Variants in FAM107B observed in about 807,000 individuals in gnomAD.
FAM107B encodes family with sequence similarity 107 member B, also known as protein FAM107B.
FAM107B carries 21 observed loss-of-function variants against 31.5 expected under a neutral mutation model. The ratio of observed to expected loss-of-function variants is 0.67; its 90% CI spans 0.47 to 0.96. The LOEUF (loss-of-function observed/expected upper bound fraction) is 0.96, where lower values mean the gene tolerates loss of function less well. FAM107B is among the 40% of genes least tolerant of loss of function. The pLI, the probability that FAM107B is intolerant of heterozygous loss-of-function variation, is 0.00. For missense variants in FAM107B, 452 were observed against 377.1 expected (o/e 1.20, Z -1.64); for synonymous variants, 157 against 141.5 (o/e 1.11, Z -0.78).
At chr10:14,602,638 C>T (rs1852436576) in intron 2 of FAM107B, 1 of 152,178 alleles carries the variant, frequency 6.6e-6, no homozygotes, top group Non-Finnish European at 1.5e-5. Context: ...TCACATATTT[C>T]TTATGAATCT....
intron 1 of FAM107B, among the ~76,000 whole-genome samples, chr10:14,668,665 T>C (rs1017737896): frequency 1.3e-5 from 2 of 152,224 alleles, no homozygotes; most frequent in Non-Finnish European, 2.9e-5. Context: ...TTAATTTATT[T>C]GTTTTTCCCT....
At chr10:14,591,835 T>C (rs950241126) in intron 2 of FAM107B, among the ~76,000 whole-genome samples, 10 of 151,768 alleles carry the variant, frequency 6.6e-5, no homozygotes, top group African/African-American at 2.4e-4. Context: ...TTTACAGAAA[T>C]ACAGGGACTA....
intron 4 of FAM107B, among the ~76,000 whole-genome samples, 199 bp from the exon 5 acceptor site, chr10:14,521,505 A>C (rs1167142246): frequency 1.3e-5 from 2 of 152,200 alleles, no homozygotes; most frequent in Admixed American, 6.5e-5. Context: ...TGTCACTGCA[A>C]ATAGGACCAC....
At chr10:14,675,852 C>G (rs1397343712) in intron 1 of FAM107B, among the ~76,000 whole-genome samples, 1 of 152,128 alleles carries the variant, frequency 6.6e-6, no homozygotes, top group Non-Finnish European at 1.5e-5. Flanking sequence ...TAAAGTGCAG[C>G]AGTCCCATTA....
intron 2 of FAM107B, among the ~76,000 whole-genome samples, chr10:14,610,169 C>T (rs922036387): frequency 2.0e-5 from 3 of 152,070 alleles, no homozygotes; most frequent in African/African-American, 7.2e-5. Context: ...CGGTGAAACC[C>T]CATCTCTACT....
At chr10:14,714,430 A>G (rs556593392) in intron 1 of FAM107B, among the ~76,000 whole-genome samples, 101 of 152,306 alleles carry the variant, frequency 6.6e-4, no homozygotes, top group African/African-American at 2.4e-3. Context: ...GGTGCACCGG[A>G]ACTTGAAAAT....
chr10:14,752,470 A>C (rs990510441), intron 1 of FAM107B, among the ~76,000 whole-genome samples: 1 of 152,240 alleles, frequency 6.6e-6, no homozygotes, highest in African/African-American at 2.4e-5. Flanking sequence ...ATACAAAGAC[A>C]TATAGGTTCT....
At chr10:14,745,106 G>C (rs1278131437) in intron 1 of FAM107B, among the ~76,000 whole-genome samples, 1 of 152,098 alleles carries the variant, frequency 6.6e-6, no homozygotes, top group Non-Finnish European at 1.5e-5. Context: ...GGTGTTTATA[G>C]GATTCTCTGA....
chr10:14,696,837 C>T (rs1021754496), intron 1 of FAM107B, among the ~76,000 whole-genome samples: 3 of 152,140 alleles, frequency 2.0e-5, no homozygotes, highest in African/African-American at 7.2e-5. Context: ...GAGCAGACCC[C>T]GAGGTCCCGT....
At chr10:14,681,222 T>A (rs558430336) in intron 1 of FAM107B, among the ~76,000 whole-genome samples, 161 of 152,316 alleles carry the variant, frequency 1.1e-3, no homozygotes, top group African/African-American at 3.6e-3. Flanking sequence ...GCCCTACCCC[T>A]CTTCAGCAGG....
intron 1 of FAM107B, among the ~76,000 whole-genome samples, chr10:14,752,054 A>G (rs1832838690): frequency 6.6e-6 from 1 of 152,158 alleles, no homozygotes; most frequent in Non-Finnish European, 1.5e-5. Context: ...TTACTGGGCC[A>G]AGGAGGATTT....
At chr10:14,635,350 A>G (rs954310191) in intron 2 of FAM107B, among the ~76,000 whole-genome samples, 1 of 152,192 alleles carries the variant, frequency 6.6e-6, no homozygotes, top group African/African-American at 2.4e-5. Context: ...GCTTGCAACC[A>G]TTAGACTTCG....
At chr10:14,541,978 G>A (rs984792442) in intron 2 of FAM107B, among the ~76,000 whole-genome samples, 3 of 152,114 alleles carry the variant, frequency 2.0e-5, no homozygotes, top group South Asian at 4.1e-4. Context: ...TGAATGGGCC[G>A]GGCACAGTGG....
intron 1 of FAM107B, among the ~76,000 whole-genome samples, chr10:14,771,678 G>A (rs999424484): frequency 1.3e-5 from 2 of 151,930 alleles, no homozygotes; most frequent in Non-Finnish European, 2.9e-5. Flanking sequence ...TAAATACATG[G>A]AATTAATTTA....
chr10:14,723,987 G>C (rs1855973093), intron 1 of FAM107B: 1 of 760,336 alleles, frequency 1.3e-6, no homozygotes, highest in East Asian at 2.5e-5. Flanking sequence ...CACCTAAGTG[G>C]GTTCCTGCTC....
chr10:14,615,829 T>C (rs1216540705), intron 2 of FAM107B, among the ~76,000 whole-genome samples: 2 of 152,244 alleles, frequency 1.3e-5, no homozygotes, highest in Admixed American at 6.5e-5. Context: ...TTTGTATGTG[T>C]TCCCTAATTA....
chr10:14,663,856 G>A (rs1010292393), intron 2 of FAM107B, among the ~76,000 whole-genome samples: 2 of 118,846 alleles, frequency 1.7e-5, no homozygotes, highest in African/African-American at 6.5e-5. Context: ...TCAGGATGAA[G>A]TGTCAGATGC....
chr10:14,637,089 T>C (rs575216779), intron 2 of FAM107B, among the ~76,000 whole-genome samples: 20 of 152,266 alleles, frequency 1.3e-4, no homozygotes, highest in Non-Finnish European at 2.6e-4. Context: ...GGAGACTTTG[T>C]TCCTACTCAG....
chr10:14,692,427 C>T (rs1240643808), intron 1 of FAM107B, among the ~76,000 whole-genome samples: 2 of 152,126 alleles, frequency 1.3e-5, no homozygotes, highest in African/African-American at 4.8e-5. Flanking sequence ...CGTACACTTC[C>T]TTTAGGGACA....
Sources: gnomAD v4.1 joint callset for allele counts (sites outside exome capture counted in the v4.1 genomes callset) on GRCh38, gnomAD v4.1.1 for gene constraint, MANE v1.5 for transcripts, NCBI Gene and HGNC (gene_info 2026-07-23, HGNC 2026-07-21) for gene names.